CAMTA1: variants seen among roughly 807,000 people sequenced by gnomAD.
The protein encoded by CAMTA1 is calmodulin binding transcription activator 1, also known as calmodulin-binding transcription activator 1.
CAMTA1 carries 27 observed loss-of-function variants against 170.9 expected under a neutral mutation model. That is an observed-to-expected ratio of 0.16 (90% CI 0.12 to 0.22). The LOEUF is 0.22. Ranked by LOEUF, CAMTA1 falls within the 10% of genes least tolerant of loss-of-function variation. The pLI is 1.00. For missense variants in CAMTA1, 1,619 were observed against 2,217.2 expected (o/e 0.73, Z 5.42); for synonymous variants, 833 against 891.5 (o/e 0.93, Z 1.17).
intron 6 of CAMTA1, among the ~76,000 whole-genome samples, chr1:7,601,400 G>C (rs1282961594): frequency 1.3e-5 from 2 of 151,982 alleles, no homozygotes; most frequent in Admixed American, 1.3e-4. Context: ...TGGCAGAGAC[G>C]CTCCTCACTT....
chr1:7,680,672 G>A lies in CAMTA1; in HGVS notation c.2914+2939G>A, dbSNP rs1427868132. 1.3e-5 allele frequency among the ~76,000 whole-genome samples: 2 copies of A among 152,072 alleles called. No individual in the cohort carries two copies. Among genetic ancestry groups the A allele is most frequent in the Admixed American group, 6.5e-5 (1 of 15,282 alleles). On this transcript the variant is annotated intron_variant, in intron 11 of 22. Coordinates refer to ENST00000303635, the MANE Select transcript of CAMTA1 (RefSeq NM_015215.4). The surrounding 1 kb of genome is among the most constrained non-coding windows in gnomAD (Gnocchi z 4.4). ...GTGGGCGGCGAGCCCTGGCTCCCTC[G>A]TTCGGTGGCCTCTGCTGCATGTGGG...
intron 16 of CAMTA1, among the ~76,000 whole-genome samples, chr1:7,741,944 GTTTT>G (rs34289951): frequency 1.5e-5 from 2 of 137,230 alleles, no homozygotes; most frequent in African/African-American, 2.7e-5. Context: ...GCCTCGGGTT[GTTTT>G]TTTTTTTTTT....
At chr1:7,709,866 TAGTA>T (rs1040073926) in intron 11 of CAMTA1, among the ~76,000 whole-genome samples, 1 of 152,254 alleles carries the variant, frequency 6.6e-6, no homozygotes, top group Non-Finnish European at 1.5e-5. Flanking sequence ...GCATTGCACA[TAGTA>T]AGCGTAAGTA....
intron 11 of CAMTA1, among the ~76,000 whole-genome samples, chr1:7,705,238 T>C (rs1008778048): frequency 6.7e-6 from 1 of 148,794 alleles, no homozygotes; most frequent in African/African-American, 2.5e-5. Flanking sequence ...GGTGAGGGGC[T>C]GCAGGGAGGG....
intron 4 of CAMTA1, among the ~76,000 whole-genome samples, chr1:7,137,692 T>C (rs1345116158): frequency 2.0e-5 from 3 of 152,158 alleles, no homozygotes; most frequent in Non-Finnish European, 4.4e-5. Flanking sequence ...CTTCCTCTAC[T>C]TGGTATGCCC....
chr1:6,942,061 CTCTTTTT>C (rs953005415), intron 3 of CAMTA1, among the ~76,000 whole-genome samples: 8 of 134,680 alleles, frequency 5.9e-5, no homozygotes, highest in South Asian at 2.4e-4. Flanking sequence ...TGCCCTGATT[CTCTTTTT>C]TCTTTTTTCT....
chr1:7,585,021 A>G lies in CAMTA1; in HGVS notation c.511-55379A>G, dbSNP rs6577450. On this transcript the variant is annotated intron_variant, in intron 6 of 22. Transcript: ENST00000303635. This position sits in a 1 kb window ranked among gnomAD's most constrained non-coding sequence, Gnocchi z 4.8. ...TATATTATGTAATGTCCCCGGCGGG[A>G]TGTGGAGTAGCACCCCATAATCAGA... Among the ~76,000 whole-genome samples, 2,790 of 152,254 alleles carry G rather than the reference A, an allele frequency of 0.018. 83 individuals are homozygous for G. The highest frequency in any genetic ancestry group is 0.063 in the African/African-American group (2,611 of 41,522).
intron 4 of CAMTA1, among the ~76,000 whole-genome samples, chr1:7,104,846 T>A (rs191009999): frequency 9.0e-4 from 137 of 152,310 alleles, no homozygotes; most frequent in African/African-American, 3.1e-3. Context: ...ATGGAGAGAC[T>A]GCATGGGGGG....
intron 11 of CAMTA1, among the ~76,000 whole-genome samples, chr1:7,728,413 C>T (rs1339841829): frequency 6.6e-6 from 1 of 152,250 alleles, no homozygotes; most frequent in Non-Finnish European, 1.5e-5. Flanking sequence ...ACCTTTGGTG[C>T]TTTTCTGCCC....
At chr1:7,237,614 T>C (rs978085884) in intron 4 of CAMTA1, among the ~76,000 whole-genome samples, 1 of 152,226 alleles carries the variant, frequency 6.6e-6, no homozygotes, top group Non-Finnish European at 1.5e-5. Flanking sequence ...AAATTTCTAC[T>C]TAATATCCAC....
rs1377303699 is a variant in CAMTA1 at position 7,249,710 on chromosome 1, T to A, written c.438+84T>A. 2.3e-5 allele frequency: 35 copies of A among 1,491,988 alleles called. No individual in the cohort carries two copies. Among genetic ancestry groups the A allele is most frequent in the Non-Finnish European group, 3.2e-5 (35 of 1,101,146 alleles). 92.4% of individuals were successfully genotyped at this position (1,491,988 alleles called of 1,614,324 possible). A position where few individuals can be genotyped will look rare whatever the true frequency, so the allele number is the denominator to read the frequency against. On this transcript the variant is annotated intron_variant, in intron 5 of 22. Coordinates refer to ENST00000303635, the MANE Select transcript of CAMTA1 (RefSeq NM_015215.4). The surrounding 1 kb of genome is among the most constrained non-coding windows in gnomAD (Gnocchi z 4.4). Reference sequence around the variant, plus strand: ...AATGGAATTGCTTGGAGTAATTTGATGCGAGTCACCTCTGTCCAAAGAATT... The same window carrying A: ...AATGGAATTGCTTGGAGTAATTTGAAGCGAGTCACCTCTGTCCAAAGAATT...
chr1:7,022,192 G>T (rs1701448543), intron 3 of CAMTA1, among the ~76,000 whole-genome samples: 1 of 152,232 alleles, frequency 6.6e-6, no homozygotes, highest in East Asian at 1.9e-4. Flanking sequence ...AGAAAAGATG[G>T]TCTCTGCTTC....
intron 6 of CAMTA1, among the ~76,000 whole-genome samples, chr1:7,510,025 A>C (rs1338979208): frequency 9.2e-6 from 1 of 109,022 alleles, no homozygotes; most frequent in Admixed American, 9.0e-5. Flanking sequence ...AAAAAAAAAA[A>C]CACTGTCCTC....
chr1:7,119,046 T>C (rs1644498484), intron 4 of CAMTA1, among the ~76,000 whole-genome samples: 2 of 152,220 alleles, frequency 1.3e-5, no homozygotes, highest in South Asian at 4.1e-4. Context: ...ACCCGTGCAG[T>C]TCACATGCAG....
At chr1:6,909,707 G>A (rs1679306563) in intron 3 of CAMTA1, among the ~76,000 whole-genome samples, 1 of 152,224 alleles carries the variant, frequency 6.6e-6, no homozygotes, top group South Asian at 2.1e-4. Flanking sequence ...AGGTGGCCTG[G>A]GTACATTCAG....
intron 6 of CAMTA1, among the ~76,000 whole-genome samples, chr1:7,485,711 C>T (rs1301082876): frequency 2.0e-5 from 3 of 152,212 alleles, no homozygotes; most frequent in African/African-American, 7.2e-5. Flanking sequence ...ACCATCCGGC[C>T]CAGTGCCTTG....
At chr1:6,937,079 TATCACCATCACCATTCACCACTTACC>T (rs1323647548) in intron 3 of CAMTA1, among the ~76,000 whole-genome samples, 14 of 151,622 alleles carry the variant, frequency 9.2e-5, no homozygotes, top group Middle Eastern at 6.8e-3. Context: ...AACCATCACT[TATCACCATCACCATTCACCACTTACC>T]ATCACCATCA....
At chr1:7,515,767 C>G (rs2094276243) in intron 6 of CAMTA1, among the ~76,000 whole-genome samples, 1 of 152,194 alleles carries the variant, frequency 6.6e-6, no homozygotes, top group South Asian at 2.1e-4. Context: ...TTCACTTTTT[C>G]CCAGGATCTG....
intron 5 of CAMTA1, among the ~76,000 whole-genome samples, chr1:7,376,999 A>T (rs111411143): frequency 0.016 from 2,478 of 152,256 alleles, 72 homozygotes; most frequent in African/African-American, 0.057. Flanking sequence ...GTCCATTCTG[A>T]AAAGTGCTCT....
Sources: allele counts gnomAD v4.1 joint callset (sites outside exome capture counted in the v4.1 genomes callset), GRCh38; gene constraint gnomAD v4.1.1; non-coding constraint Gnocchi (gnomAD v3.1); transcripts MANE v1.5; gene names NCBI Gene and HGNC (gene_info 2026-07-23, HGNC 2026-07-21).